Variants in TAF3 observed in about 807,000 individuals in gnomAD.
TAF3 encodes the protein TATA-box binding protein associated factor 3, also known as transcription initiation factor TFIID subunit 3.
A neutral mutation model predicts 80.6 loss-of-function variants in TAF3; 7 were observed. That is an observed-to-expected ratio of 0.09 (90% CI 0.05 to 0.16). TAF3 has a LOEUF of 0.16. Among genes scored for constraint, TAF3 ranks in the 10% least tolerant of loss-of-function variants. The probability of loss-of-function intolerance (pLI) is 1.00; values close to 1 mark genes in which losing one functional copy is unlikely to be tolerated. For synonymous variants in TAF3, 444 were observed against 446.1 expected (o/e 1.00, Z 0.06); for missense variants, 921 against 1,140.2 (o/e 0.81, Z 2.77).
At chr10:7,869,266 T>C (rs1473151221) in intron 2 of TAF3, among the ~76,000 whole-genome samples, 1 of 152,160 alleles carries the variant, frequency 6.6e-6, no homozygotes, top group Non-Finnish European at 1.5e-5. Flanking sequence ...TGTGTCTGTG[T>C]GTGTGTGTCT....
At chr10:7,947,790 T>G (rs1172995051) in intron 2 of TAF3, among the ~76,000 whole-genome samples, 2 of 152,138 alleles carry the variant, frequency 1.3e-5, no homozygotes, top group Non-Finnish European at 1.5e-5. Context: ...CAGGAAGCAC[T>G]GGAGGCTTTT....
At chr10:7,840,346 GT>G (rs1306359043) in intron 2 of TAF3, among the ~76,000 whole-genome samples, 2 of 151,872 alleles carry the variant, frequency 1.3e-5, no homozygotes, top group African/African-American at 4.8e-5. Flanking sequence ...TAGAGATGGG[GT>G]TTCACCGTGT....
intron 2 of TAF3, among the ~76,000 whole-genome samples, chr10:7,887,920 A>G (rs1398395346): frequency 6.6e-6 from 1 of 152,172 alleles, no homozygotes; most frequent in African/African-American, 2.4e-5. Flanking sequence ...TCCACAGACC[A>G]GCAATATCAG....
intron 2 of TAF3, among the ~76,000 whole-genome samples, chr10:7,937,776 G>T (rs1297821627): frequency 1.3e-5 from 2 of 152,202 alleles, no homozygotes. Context: ...CAGGCCCTGT[G>T]CTCAGCACTC....
At chr10:7,849,286 CT>C (rs1258634920) in intron 2 of TAF3, among the ~76,000 whole-genome samples, 3 of 151,896 alleles carry the variant, frequency 2.0e-5, no homozygotes, top group Non-Finnish European at 4.4e-5. Context: ...CTCTAAAGAG[CT>C]TTTTTAAAAA....
intron 2 of TAF3, among the ~76,000 whole-genome samples, chr10:7,888,669 AGAT>A (rs1462763283): frequency 1.3e-5 from 2 of 152,212 alleles, no homozygotes; most frequent in Non-Finnish European, 2.9e-5. Flanking sequence ...GGTCTTTAAA[AGAT>A]GCTAGCCTAA....
intron 2 of TAF3, among the ~76,000 whole-genome samples, chr10:7,920,684 A>T: frequency 6.6e-6 from 1 of 152,204 alleles, no homozygotes; most frequent in East Asian, 1.9e-4. Flanking sequence ...TGAGATGAAA[A>T]TCACAGTTAA....
chr10:8,013,934 GA>G, intron 6 of TAF3, 97 bp downstream of exon 6: 1 of 1,033,268 alleles, frequency 9.7e-7, no homozygotes, highest in Non-Finnish European at 1.5e-6. Flanking sequence ...CCTTTGGACT[GA>G]CCCAGGGCTG....
chr10:7,859,166 C>T (rs915376663), intron 2 of TAF3, among the ~76,000 whole-genome samples: 1 of 151,908 alleles, frequency 6.6e-6, no homozygotes, highest in Non-Finnish European at 1.5e-5. Flanking sequence ...GAGGCTGAGG[C>T]AGGAGAATGG....
intron 2 of TAF3, among the ~76,000 whole-genome samples, chr10:7,963,046 C>T (rs550238526): frequency 6.6e-5 from 10 of 152,182 alleles, no homozygotes; most frequent in African/African-American, 2.4e-4. Flanking sequence ...TCTCTAGTGC[C>T]GTAACTCTAG....
At chr10:7,852,897 A>G (rs970737426) in intron 2 of TAF3, among the ~76,000 whole-genome samples, 6 of 152,234 alleles carry the variant, frequency 3.9e-5, no homozygotes, top group African/African-American at 9.6e-5. Flanking sequence ...TTTCAAAATA[A>G]TGAATTTGTT....
intron 2 of TAF3, among the ~76,000 whole-genome samples, chr10:7,851,180 T>TA (rs1242788610): frequency 6.6e-6 from 1 of 152,060 alleles, no homozygotes; most frequent in Admixed American, 6.5e-5. Flanking sequence ...AAGTTGCAAT[T>TA]AAAAATATGC....
chr10:7,943,302 A>G (rs1837994154), intron 2 of TAF3, among the ~76,000 whole-genome samples: 1 of 152,114 alleles, frequency 6.6e-6, no homozygotes, highest in Non-Finnish European at 1.5e-5. Flanking sequence ...GCTCCTTAGC[A>G]TTGCAAACTC....
intron 4 of TAF3, among the ~76,000 whole-genome samples, chr10:7,988,600 A>AAAAAAAAAAAAAAG (rs1831801807): frequency 7.0e-6 from 1 of 143,146 alleles, no homozygotes; most frequent in African/African-American, 2.6e-5. Context: ...AAAAAAAAAA[A>AAAAAAAAAAAAAAG]AGAAGCCAGA....
intron 2 of TAF3, among the ~76,000 whole-genome samples, chr10:7,876,719 T>C (rs2131150557): frequency 6.6e-6 from 1 of 152,330 alleles, no homozygotes; most frequent in Admixed American, 6.5e-5. Context: ...GACTTAATTA[T>C]CTTTATCTTT....
chr10:7,996,163 G>A (rs1235529495), intron 4 of TAF3, among the ~76,000 whole-genome samples: 1 of 152,144 alleles, frequency 6.6e-6, no homozygotes, highest in Non-Finnish European at 1.5e-5. Context: ...TTGTGGTTGG[G>A]GATTTGGGTG....
chr10:7,821,952 AAGGT>A (rs1836694472), intron 1 of TAF3, among the ~76,000 whole-genome samples: 2 of 152,206 alleles, frequency 1.3e-5, no homozygotes, highest in Non-Finnish European at 2.9e-5. Context: ...AAGTACCAGT[AAGGT>A]GTTCAGCTCC....
intron 2 of TAF3, among the ~76,000 whole-genome samples, chr10:7,835,065 CTCT>C (rs1209982822): frequency 6.6e-6 from 1 of 152,164 alleles, no homozygotes; most frequent in Non-Finnish European, 1.5e-5. Context: ...ATTTAGTCTT[CTCT>C]TCTTTATAGA....
At chr10:7,991,028 G>T (rs1370336505) in intron 4 of TAF3, among the ~76,000 whole-genome samples, 2 of 152,198 alleles carry the variant, frequency 1.3e-5, no homozygotes, top group Non-Finnish European at 2.9e-5. Context: ...TCAAGGTTAG[G>T]AGCTGCAGTG....
Sources: gnomAD v4.1 joint callset for allele counts (sites outside exome capture counted in the v4.1 genomes callset) on GRCh38, gnomAD v4.1.1 for gene constraint, MANE v1.5 for transcripts, NCBI Gene and HGNC (gene_info 2026-07-23, HGNC 2026-07-21) for gene names.